Variants in GRM5 observed in about 807,000 individuals in gnomAD.
GRM5 encodes metabotropic glutamate receptor 5.
In GRM5, 19 loss-of-function variants were observed where a neutral mutation model predicts 83.1. The ratio of observed to expected loss-of-function variants is 0.23; its 90% CI spans 0.16 to 0.34. The LOEUF is 0.34. Ranked by LOEUF, GRM5 falls within the 10% of genes least tolerant of loss-of-function variation. GRM5 has a pLI of 1.00. For missense variants in GRM5, 1,160 were observed against 1,588.3 expected (o/e 0.73, Z 4.58); for synonymous variants, 675 against 633.6 (o/e 1.07, Z -0.98).
At chr11:88,770,236 C>T (rs922389914) in intron 3 of GRM5, among the ~76,000 whole-genome samples, 2 of 151,954 alleles carry the variant, frequency 1.3e-5, no homozygotes, top group Non-Finnish European at 2.9e-5. Context: ...CAGATAACTA[C>T]ATGTAATATG....
chr11:88,590,843 A>G (rs1937627869), intron 6 of GRM5, 116 bp from the exon 7 acceptor site: 3 of 610,202 alleles, frequency 4.9e-6, no homozygotes, highest in Admixed American at 2.8e-5. Context: ...ATTATTTTAA[A>G]TGTTTTCAGA....
chr11:88,731,636 G>A (rs1485396129), intron 3 of GRM5, among the ~76,000 whole-genome samples: 5 of 151,928 alleles, frequency 3.3e-5, no homozygotes, highest in Admixed American at 2.6e-4. Context: ...TGTTGTTGTT[G>A]TTGTTGTTAA....
chr11:88,883,687 C>G (rs532082402), intron 2 of GRM5, among the ~76,000 whole-genome samples: 1 of 152,208 alleles, frequency 6.6e-6, no homozygotes, highest in Non-Finnish European at 1.5e-5. Context: ...ACCATCATGG[C>G]AGTCCCTCCC....
At chr11:88,767,894 C>A (rs1942654094) in intron 3 of GRM5, among the ~76,000 whole-genome samples, 1 of 151,988 alleles carries the variant, frequency 6.6e-6, no homozygotes, top group South Asian at 2.1e-4. Flanking sequence ...TGAGATACCA[C>A]CTTACACCCA....
chr11:88,671,902 T>C (rs1477224015), intron 3 of GRM5, among the ~76,000 whole-genome samples: 2 of 152,086 alleles, frequency 1.3e-5, no homozygotes, highest in Admixed American at 6.6e-5. Flanking sequence ...CTACACATCA[T>C]GGTTTCTGTG....
intron 2 of GRM5, among the ~76,000 whole-genome samples, chr11:89,027,408 C>T (rs2135119165): frequency 6.6e-6 from 1 of 152,224 alleles, no homozygotes; most frequent in East Asian, 1.9e-4. Context: ...TTTTCTTACT[C>T]ACTCAAATAT....
intron 4 of GRM5, among the ~76,000 whole-genome samples, chr11:88,616,389 GT>G (rs68153026): frequency 0.18 from 16,727 of 95,202 alleles, 1,202 homozygotes; most frequent in African/African-American, 0.21. Flanking sequence ...GCTTTGGAGT[GT>G]TTTTTTTTTT....
chr11:89,006,527 A>G (rs188648647), intron 2 of GRM5, among the ~76,000 whole-genome samples: 23 of 152,228 alleles, frequency 1.5e-4, no homozygotes, highest in African/African-American at 5.1e-4. Context: ...AAAGCCCCCA[A>G]TGACTTCCCA....
chr11:88,638,386 G>C (rs17770561), intron 4 of GRM5, among the ~76,000 whole-genome samples: 9,132 of 151,898 alleles, frequency 0.06, 277 homozygotes, highest in Middle Eastern at 0.071. Context: ...TGTTCATGAG[G>C]TCTATATGAG....
chr11:88,758,177 C>T (rs554577439), intron 3 of GRM5, among the ~76,000 whole-genome samples: 13 of 152,280 alleles, frequency 8.5e-5, no homozygotes, highest in African/African-American at 3.1e-4. Flanking sequence ...AGGCAGAGTG[C>T]CTTCTTTCCT....
intron 3 of GRM5, among the ~76,000 whole-genome samples, chr11:88,681,869 C>G (rs1768904654): frequency 6.6e-6 from 1 of 151,682 alleles, no homozygotes; most frequent in African/African-American, 2.4e-5. Flanking sequence ...GTGCCCAGCC[C>G]TCTTTTTGTT....
intron 2 of GRM5, among the ~76,000 whole-genome samples, chr11:88,921,495 T>C (rs1945692304): frequency 6.6e-6 from 1 of 152,048 alleles, no homozygotes; most frequent in African/African-American, 2.4e-5. Context: ...CTGGGCATGG[T>C]GGCGGGCACC....
intron 2 of GRM5, among the ~76,000 whole-genome samples, chr11:88,872,942 C>T (rs1590928899): frequency 5.9e-5 from 1 of 16,824 alleles, no homozygotes; most frequent in Non-Finnish European, 1.4e-4. Context: ...AAAAAAAAGA[C>T]CCAACTATAT....
chr11:88,757,742 GTGTGAACCC>G (rs1942425851), intron 3 of GRM5, among the ~76,000 whole-genome samples: 1 of 152,160 alleles, frequency 6.6e-6, no homozygotes, highest in Non-Finnish European at 1.5e-5. Context: ...CAGTCAATGA[GTGTGAACCC>G]CACCATGCTA....
chr11:88,767,661 T>G (rs1382940422), intron 3 of GRM5, among the ~76,000 whole-genome samples: 1 of 151,716 alleles, frequency 6.6e-6, no homozygotes, highest in Non-Finnish European at 1.5e-5. Flanking sequence ...ACAACGGACA[T>G]TGGGACCTAC....
intron 3 of GRM5, among the ~76,000 whole-genome samples, chr11:88,843,752 T>C (rs1273608235): frequency 6.6e-6 from 1 of 152,168 alleles, no homozygotes; most frequent in African/African-American, 2.4e-5. Flanking sequence ...GTTGTGAATA[T>C]AGAGAAATGA....
chr11:88,881,977 C>T (rs1488378597), intron 2 of GRM5, among the ~76,000 whole-genome samples: 1 of 152,116 alleles, frequency 6.6e-6, no homozygotes, highest in Admixed American at 6.5e-5. Flanking sequence ...CACGTTGGCT[C>T]ACACCTGTAA....
chr11:88,752,599 T>C (rs1275131288), intron 3 of GRM5, among the ~76,000 whole-genome samples: 2 of 152,086 alleles, frequency 1.3e-5, no homozygotes, highest in African/African-American at 4.8e-5. Flanking sequence ...TTAGAGAAAA[T>C]ATTTTAAATT....
At chr11:88,846,918 G>T (rs1944311621) in intron 3 of GRM5, among the ~76,000 whole-genome samples, 1 of 151,938 alleles carries the variant, frequency 6.6e-6, no homozygotes, top group Non-Finnish European at 1.5e-5. Flanking sequence ...ATAAACTCAG[G>T]TTCTATGTAG....
Sources: gnomAD v4.1 joint callset for allele counts (sites outside exome capture counted in the v4.1 genomes callset) on GRCh38, gnomAD v4.1.1 for gene constraint, MANE v1.5 for transcripts, NCBI Gene and HGNC (gene_info 2026-07-23, HGNC 2026-07-21) for gene names.